SLC2A13: variants seen among roughly 807,000 people sequenced by gnomAD.
SLC2A13 encodes proton myo-inositol cotransporter.
SLC2A13 carries 32 observed loss-of-function variants against 64.4 expected under a neutral mutation model. That is an observed-to-expected ratio of 0.50 (90% confidence interval 0.37 to 0.67). SLC2A13 has a LOEUF of 0.67. Among genes scored for constraint, SLC2A13 ranks in the 30% least tolerant of loss-of-function variants. SLC2A13 has a pLI of 0.00. For missense variants in SLC2A13, 743 were observed against 829.2 expected, an observed-to-expected ratio of 0.90 and a Z score of 1.28; for synonymous variants, 338 against 327.1, an observed-to-expected ratio of 1.03 and a Z score of -0.36.
chr12:39,904,431 C>A (rs1945214108), intron 4 of SLC2A13, among the ~76,000 whole-genome samples: 1 of 152,118 alleles, frequency 6.6e-6, no homozygotes, highest in African/African-American at 2.4e-5. Context: ...ACCTTGTGAG[C>A]AGGTCTTTCT....
chr12:40,079,156 T>C (rs867636800), intron 1 of SLC2A13, among the ~76,000 whole-genome samples: 1 of 152,202 alleles, frequency 6.6e-6, no homozygotes, highest in Non-Finnish European at 1.5e-5. Context: ...GTTATTTTCT[T>C]TTGCTAGCTT....
chr12:39,994,933 G>A (rs1170206173), intron 3 of SLC2A13, among the ~76,000 whole-genome samples: 2 of 152,098 alleles, frequency 1.3e-5, no homozygotes, highest in African/African-American at 4.8e-5. Context: ...CATATCAACA[G>A]GACTCAATAC....
At chr12:39,823,545 T>C (rs1320522558) in intron 7 of SLC2A13, among the ~76,000 whole-genome samples, 1 of 152,234 alleles carries the variant, frequency 6.6e-6, no homozygotes. Flanking sequence ...ACTGCTTCCC[T>C]GGCATATCAG....
intron 1 of SLC2A13, among the ~76,000 whole-genome samples, chr12:40,060,320 A>C (rs1216494394): frequency 6.6e-6 from 1 of 152,156 alleles, no homozygotes; most frequent in Non-Finnish European, 1.5e-5. Context: ...TAAATGCAAA[A>C]ACTTGAAAAC....
At chr12:39,882,853 CTT>C (rs1197428813) in intron 4 of SLC2A13, among the ~76,000 whole-genome samples, 3 of 152,194 alleles carry the variant, frequency 2.0e-5, no homozygotes, top group Non-Finnish European at 4.4e-5. Flanking sequence ...ACACACACCA[CTT>C]TGTTTCTGGT....
chr12:40,074,838 T>G (rs909647594), intron 1 of SLC2A13, among the ~76,000 whole-genome samples: 1 of 152,158 alleles, frequency 6.6e-6, no homozygotes, highest in African/African-American at 2.4e-5. Flanking sequence ...GTGTTATGAT[T>G]AGGTCTCAAG....
intron 2 of SLC2A13, among the ~76,000 whole-genome samples, chr12:40,037,378 G>A (rs550303826): frequency 2.4e-4 from 37 of 152,096 alleles, no homozygotes; most frequent in African/African-American, 8.4e-4. Flanking sequence ...CAGCAATTTG[G>A]TAGGCTGCAG....
chr12:39,996,783 C>A (rs1233581256), intron 3 of SLC2A13, among the ~76,000 whole-genome samples: 2 of 152,046 alleles, frequency 1.3e-5, no homozygotes, highest in African/African-American at 4.8e-5. Context: ...TGGCCTTTTA[C>A]AATAGCTGCA....
At chr12:40,004,543 C>T (rs1947378748) in intron 3 of SLC2A13, among the ~76,000 whole-genome samples, 1 of 151,968 alleles carries the variant, frequency 6.6e-6, no homozygotes, top group African/African-American at 2.4e-5. Flanking sequence ...TGAGGCGTAT[C>T]CTGGAATCAA....
chr12:39,883,673 T>C (rs1186689799), intron 4 of SLC2A13, among the ~76,000 whole-genome samples: 1 of 152,226 alleles, frequency 6.6e-6, no homozygotes, highest in African/African-American at 2.4e-5. Flanking sequence ...GTAATGGCCT[T>C]AAAGGTTCAC....
At chr12:39,877,231 A>G (rs1944209170) in intron 4 of SLC2A13, among the ~76,000 whole-genome samples, 6 of 152,222 alleles carry the variant, frequency 3.9e-5, no homozygotes, top group Admixed American at 3.9e-4. Context: ...ATGGACTCAG[A>G]GTTCCACATG....
At chr12:40,081,751 T>C (rs181371500) in intron 1 of SLC2A13, among the ~76,000 whole-genome samples, 6 of 152,356 alleles carry the variant, frequency 3.9e-5, no homozygotes, top group Admixed American at 3.9e-4. Context: ...GATGACACTC[T>C]CTGGCTTTTT....
rs151140703 is a variant in SLC2A13 at position 40,048,270 on chromosome 12, T to A, written c.557-60A>T. ...TACTCAAGATTTCTGTTGCAATAAA[T>A]ACTAATGCTAGATTTAGGCATACAC... On this transcript the variant is annotated intron_variant, in intron 1 of 9. Transcript: ENST00000280871. 0.015 allele frequency: 22,357 copies of A among 1,511,150 alleles called. 199 individuals are homozygous for A. Among genetic ancestry groups the A allele is most frequent in the Middle Eastern group, 0.018 (103 of 5,648 alleles). 93.6% of individuals were successfully genotyped at this position (1,511,150 alleles called of 1,614,324 possible). A position where few individuals can be genotyped will look rare whatever the true frequency, so the allele number is the denominator to read the frequency against.
intron 3 of SLC2A13, among the ~76,000 whole-genome samples, chr12:40,026,366 T>C (rs1159492877): frequency 6.6e-6 from 1 of 152,214 alleles, no homozygotes; most frequent in Non-Finnish European, 1.5e-5. Flanking sequence ...AATTATTTTA[T>C]CTATATCCAA....
At position 39,955,479 on chromosome 12, in the gene SLC2A13, AAAG is replaced by A. The variant is rs151161195; in HGVS notation, c.926-4117_926-4115del. ...TCAAAATGGAAATCCATGAAGTAGAAAAGAAGAGAGTTGAGAAAAATCCATAAA... is the reference window on the plus strand; with the variant it reads ...TCAAAATGGAAATCCATGAAGTAGAAAAGAGAGTTGAGAAAAATCCATAAA... On this transcript the variant is annotated intron_variant, in intron 3 of 9. Coordinates refer to ENST00000280871, the MANE Select transcript of SLC2A13 (RefSeq NM_052885.4). Among the ~76,000 whole-genome samples the A allele has an allele frequency of 3.5e-3, 443 of 125,770 alleles. 1 individual carries two copies. The highest frequency in any genetic ancestry group is 0.011 in the African/African-American group (413 of 38,830). The allele number at this position is 125,770 out of a possible 152,430, so 82.5% of individuals were successfully genotyped here. A position where few individuals can be genotyped will look rare whatever the true frequency, so the allele number is the denominator to read the frequency against.
chr12:39,964,828 T>G (rs1315899882), intron 3 of SLC2A13, among the ~76,000 whole-genome samples: 2 of 152,154 alleles, frequency 1.3e-5, no homozygotes, highest in African/African-American at 2.4e-5. Flanking sequence ...CTTGGTCAAT[T>G]AAACTCTTTC....
intron 6 of SLC2A13, among the ~76,000 whole-genome samples, chr12:39,855,206 A>T (rs1943576131): frequency 6.6e-6 from 1 of 152,204 alleles, no homozygotes; most frequent in Non-Finnish European, 1.5e-5. Flanking sequence ...AAGTACATAC[A>T]TTACTATTTA....
chr12:40,069,020 A>G (rs1398188910), intron 1 of SLC2A13, among the ~76,000 whole-genome samples: 1 of 152,130 alleles, frequency 6.6e-6, no homozygotes, highest in Non-Finnish European at 1.5e-5. Context: ...TGGGCAGAGG[A>G]AGACAGTCTT....
At chr12:39,805,205 G>T (rs1334569916) in intron 7 of SLC2A13, among the ~76,000 whole-genome samples, 1 of 152,170 alleles carries the variant, frequency 6.6e-6, no homozygotes, top group Non-Finnish European at 1.5e-5. Context: ...GCAGGGCGTG[G>T]TTTTTATTCT....
Sources: allele counts gnomAD v4.1 joint callset (sites outside exome capture counted in the v4.1 genomes callset), GRCh38; gene constraint gnomAD v4.1.1; transcripts MANE v1.5; gene names NCBI Gene and HGNC (gene_info 2026-07-23, HGNC 2026-07-21).